GALNTL6: variants seen among roughly 807,000 people sequenced by gnomAD.
GALNTL6 encodes the protein polypeptide N-acetylgalactosaminyltransferase like 6, also known as polypeptide N-acetylgalactosaminyltransferase-like 6.
GALNTL6 carries 46 observed loss-of-function variants against 73.7 expected under a neutral mutation model. The ratio of observed to expected loss-of-function variants is 0.62; its 90% CI spans 0.49 to 0.80. The LOEUF (loss-of-function observed/expected upper bound fraction) is 0.80. GALNTL6 is among the 30% of genes least tolerant of loss of function. The pLI is 0.00. For missense variants in GALNTL6, 604 were observed against 755.0 expected (o/e 0.80, Z 2.34); for synonymous variants, 259 against 263.7 (o/e 0.98, Z 0.17).
intron 3 of GALNTL6, among the ~76,000 whole-genome samples, chr4:172,287,765 T>C (rs1561007376): frequency 6.6e-6 from 1 of 152,152 alleles, no homozygotes; most frequent in African/African-American, 2.4e-5. Flanking sequence ...TGCTTTGAAA[T>C]AATGCTTAAA....
In GALNTL6 at chr4:172,833,142, C is replaced by A. The variant is rs1440584612; in HGVS notation, c.923+19419C>A. ...AACATGGGCGTTCTTCCGGGATGACCCAATAATAAATATCCATTGCACCTG... is the reference window on the plus strand; with the variant it reads ...AACATGGGCGTTCTTCCGGGATGACACAATAATAAATATCCATTGCACCTG... On this transcript the variant is annotated intron_variant, in intron 7 of 12. Coordinates refer to ENST00000506823, the MANE Select transcript of GALNTL6 (RefSeq NM_001034845.3). Among the ~76,000 whole-genome samples, 3 of 152,120 alleles carry A rather than the reference C, an allele frequency of 2.0e-5. No homozygotes were observed. In the East Asian group the frequency reaches 5.8e-4, roughly 29 times the overall value.
At chr4:172,472,089 T>C (rs1008247741) in intron 5 of GALNTL6, among the ~76,000 whole-genome samples, 3 of 152,196 alleles carry the variant, frequency 2.0e-5, no homozygotes, top group Non-Finnish European at 4.4e-5. Context: ...CTATTGCAAA[T>C]TCATAGAAGT....
intron 5 of GALNTL6, among the ~76,000 whole-genome samples, chr4:172,361,637 AT>A (rs1256968090): frequency 6.6e-6 from 1 of 152,132 alleles, no homozygotes; most frequent in East Asian, 1.9e-4. Context: ...TTCATTTTCA[AT>A]GTCTGCAAAC....
At chr4:172,789,485 T>G (rs1560954025) in intron 5 of GALNTL6, among the ~76,000 whole-genome samples, 1 of 152,188 alleles carries the variant, frequency 6.6e-6, no homozygotes, top group African/African-American at 2.4e-5. Context: ...AATATAATTC[T>G]TCTTCCAATG....
At chr4:172,908,609 A>AGTGTGTGT (rs200044918) in intron 8 of GALNTL6, among the ~76,000 whole-genome samples, 2,624 of 145,950 alleles carry the variant, frequency 0.018, 38 homozygotes, top group South Asian at 0.037. Flanking sequence ...CATGAGCGTG[A>AGTGTGTGT]GTGTGTGTGT....
intron 5 of GALNTL6, among the ~76,000 whole-genome samples, chr4:172,484,890 G>A (rs1733616318): frequency 6.6e-6 from 1 of 151,942 alleles, no homozygotes; most frequent in Admixed American, 6.6e-5. Context: ...TTAAATTTGT[G>A]TCATATGAAA....
intron 2 of GALNTL6, among the ~76,000 whole-genome samples, chr4:171,858,563 C>A (rs1735749399): frequency 6.7e-6 from 1 of 150,088 alleles, no homozygotes; most frequent in African/African-American, 2.5e-5. Context: ...TTTAATTGCT[C>A]AAGTACTCAT....
intron 3 of GALNTL6, among the ~76,000 whole-genome samples, chr4:172,269,706 GTCCTGTTTT>G (rs1738570335): frequency 6.6e-6 from 1 of 151,942 alleles, no homozygotes; most frequent in East Asian, 1.9e-4. Context: ...ACAAATCTGA[GTCCTGTTTT>G]TATGCATTCT....
At chr4:172,029,132 T>G (rs1309503679) in intron 2 of GALNTL6, among the ~76,000 whole-genome samples, 2 of 151,950 alleles carry the variant, frequency 1.3e-5, no homozygotes, top group Non-Finnish European at 2.9e-5. Flanking sequence ...CTTTTTTCAA[T>G]TATTGAAAAT....
At chr4:172,723,202 A>G (rs972660631) in intron 5 of GALNTL6, among the ~76,000 whole-genome samples, 2 of 152,212 alleles carry the variant, frequency 1.3e-5, no homozygotes, top group African/African-American at 4.8e-5. Flanking sequence ...TTATGTCTCC[A>G]TCTCAATGTC....
chr4:172,864,419 A>C (rs1744557737), intron 7 of GALNTL6, among the ~76,000 whole-genome samples: 1 of 152,232 alleles, frequency 6.6e-6, no homozygotes, highest in African/African-American at 2.4e-5. Flanking sequence ...GTGTTGGAAA[A>C]ACCCTAAGAA....
intron 2 of GALNTL6, among the ~76,000 whole-genome samples, chr4:172,111,604 A>G (rs1184609553): frequency 2.6e-5 from 4 of 152,128 alleles, no homozygotes; most frequent in East Asian, 3.9e-4. Context: ...TTACATTCCT[A>G]TTCACTATGA....
intron 5 of GALNTL6, among the ~76,000 whole-genome samples, chr4:172,696,478 T>A (rs1216892023): frequency 3.9e-5 from 6 of 152,192 alleles, no homozygotes; most frequent in Admixed American, 3.9e-4. Context: ...CCCCCACTAA[T>A]CTCATCCTAG....
At chr4:172,833,086 G>T (rs1293020996) in intron 7 of GALNTL6, among the ~76,000 whole-genome samples, 1 of 151,942 alleles carries the variant, frequency 6.6e-6, no homozygotes, top group Non-Finnish European at 1.5e-5. Context: ...TGTGCGCTTG[G>T]GGGTGGGGGG....
intron 5 of GALNTL6, among the ~76,000 whole-genome samples, chr4:172,610,251 G>A (rs1738477109): frequency 1.3e-5 from 2 of 151,948 alleles, no homozygotes; most frequent in Non-Finnish European, 2.9e-5. Context: ...GTCTGCTGTT[G>A]TTTATCTAGG....
intron 3 of GALNTL6, among the ~76,000 whole-genome samples, chr4:172,261,578 TA>T (rs1738259219): frequency 6.6e-6 from 1 of 151,446 alleles, no homozygotes; most frequent in Non-Finnish European, 1.5e-5. Flanking sequence ...ATTTGTCTTG[TA>T]TTTTTTTGTT....
chr4:173,018,263 C>A (rs1252922901), intron 11 of GALNTL6, among the ~76,000 whole-genome samples: 1 of 152,170 alleles, frequency 6.6e-6, no homozygotes. Flanking sequence ...GTAACTGAAT[C>A]CAGAGTCATC....
chr4:172,237,792 A>C (rs570452612), intron 3 of GALNTL6, among the ~76,000 whole-genome samples: 2 of 152,216 alleles, frequency 1.3e-5, no homozygotes, highest in East Asian at 3.9e-4. Flanking sequence ...GTCTAGTTTC[A>C]ATCTTCTGTA....
At chr4:172,046,959 C>G (rs1038934313) in intron 2 of GALNTL6, among the ~76,000 whole-genome samples, 1 of 152,036 alleles carries the variant, frequency 6.6e-6, no homozygotes, top group Non-Finnish European at 1.5e-5. Context: ...AACATGACAT[C>G]TAATCATGCC....
Sources: allele counts gnomAD v4.1 joint callset (sites outside exome capture counted in the v4.1 genomes callset), GRCh38; gene constraint gnomAD v4.1.1; transcripts MANE v1.5; gene names NCBI Gene and HGNC (gene_info 2026-07-23, HGNC 2026-07-21).